Variants in RPS6KB1 observed in about 807,000 individuals in gnomAD.
The protein encoded by RPS6KB1 is ribosomal protein S6 kinase B1, also known as ribosomal protein S6 kinase beta-1.
RPS6KB1 carries 12 observed loss-of-function variants against 70.2 expected under a neutral mutation model. That is an observed-to-expected ratio of 0.17 (90% confidence interval 0.11 to 0.28). The LOEUF is 0.28. Among genes scored for constraint, RPS6KB1 ranks in the 10% least tolerant of loss-of-function variants. The probability of loss-of-function intolerance (pLI) is 1.00; values close to 1 mark genes in which losing one functional copy is unlikely to be tolerated. For missense variants in RPS6KB1, 270 were observed against 646.6 expected, an observed-to-expected ratio of 0.42 and a Z score of 6.32; for synonymous variants, 175 against 211.2, an observed-to-expected ratio of 0.83 and a Z score of 1.49.
intron 1 of RPS6KB1, among the ~76,000 whole-genome samples, chr17:59,896,342 C>T (rs1486095752): frequency 3.9e-5 from 6 of 152,004 alleles, no homozygotes; most frequent in African/African-American, 9.7e-5. Context: ...TACAGGCACC[C>T]GCCACCAGGC....
intron 12 of RPS6KB1, 49 bp from the exon 13 acceptor site, chr17:59,940,787 T>C (rs761826964): frequency 1.3e-5 from 15 of 1,157,080 alleles, no homozygotes; most frequent in Non-Finnish European, 1.8e-5. Flanking sequence ...ATTTGATTGA[T>C]GTAACATGGA....
intron 4 of RPS6KB1, among the ~76,000 whole-genome samples, chr17:59,917,941 A>G (rs949282145): frequency 1.1e-4 from 16 of 150,256 alleles, no homozygotes; most frequent in African/African-American, 3.9e-4. Flanking sequence ...CTTCTACTCA[A>G]TTTTTTTTTG....
intron 3 of RPS6KB1, among the ~76,000 whole-genome samples, chr17:59,913,554 C>T (rs1175465187): frequency 6.6e-6 from 1 of 152,128 alleles, no homozygotes; most frequent in East Asian, 1.9e-4. Flanking sequence ...TTATAGTTGT[C>T]TTTCAGTATG....
intron 1 of RPS6KB1, among the ~76,000 whole-genome samples, chr17:59,905,546 C>A (rs1309255478): frequency 2.0e-5 from 3 of 151,300 alleles, no homozygotes; most frequent in African/African-American, 7.3e-5. Flanking sequence ...CTCTTGTTGC[C>A]CAGGCTGGAG....
chr17:59,935,897 C>T (rs2044200761), intron 10 of RPS6KB1, among the ~76,000 whole-genome samples: 1 of 151,486 alleles, frequency 6.6e-6, no homozygotes, highest in South Asian at 2.1e-4. Context: ...CTGCAACCTC[C>T]ACCTCCCAGG....
intron 1 of RPS6KB1, chr17:59,894,017 C>A: frequency 1.2e-6 from 1 of 825,230 alleles, no homozygotes; most frequent in Non-Finnish European, 1.5e-6. Context: ...AACCTTTCCC[C>A]AAGTTGAAGA....
chr17:59,894,948 C>T lies in RPS6KB1; in HGVS notation c.141+1623C>T, dbSNP rs113261782. 5.4e-3 allele frequency among the ~76,000 whole-genome samples: 827 copies of T among 152,196 alleles called. 12 individuals are homozygous for T. Among genetic ancestry groups the T allele is most frequent in the African/African-American group, 0.019 (789 of 41,528 alleles). On this transcript the variant is annotated intron_variant, in intron 1 of 14. Coordinates refer to ENST00000225577, the MANE Select transcript of RPS6KB1 (RefSeq NM_003161.4). Reference sequence around the variant, plus strand: ...ATCAAATAAGACTAAATCAAAATCACACGGTTTAGAAAGTGGGTATTGAGT... The same window carrying T: ...ATCAAATAAGACTAAATCAAAATCATACGGTTTAGAAAGTGGGTATTGAGT...
intron 12 of RPS6KB1, among the ~76,000 whole-genome samples, chr17:59,939,242 G>T (rs1049684669): frequency 2.6e-5 from 4 of 152,054 alleles, no homozygotes; most frequent in African/African-American, 9.7e-5. Context: ...TAACACATTT[G>T]TGTTTCATTT....
At chr17:59,923,598 C>T (rs1200007084) in intron 4 of RPS6KB1, among the ~76,000 whole-genome samples, 2 of 151,356 alleles carry the variant, frequency 1.3e-5, no homozygotes, top group Admixed American at 6.6e-5. Flanking sequence ...GCAGCCTCCA[C>T]CTCCTGCGTT....
chr17:59,937,391 A>C (rs1037713604), intron 12 of RPS6KB1, among the ~76,000 whole-genome samples: 5 of 152,224 alleles, frequency 3.3e-5, no homozygotes, highest in Non-Finnish European at 7.3e-5. Context: ...GCTTGCTGCA[A>C]CAAAGTACCA....
At chr17:59,930,330 G>A (rs1000165924) in intron 6 of RPS6KB1, 156 bp downstream of exon 6, 2 of 680,434 alleles carry the variant, frequency 2.9e-6, no homozygotes, top group Non-Finnish European at 5.4e-6. Context: ...GGGCAGCTAT[G>A]GAGGTCACAT....
chr17:59,939,352 GT>G (rs1215217141), intron 12 of RPS6KB1, among the ~76,000 whole-genome samples: 1 of 152,124 alleles, frequency 6.6e-6, no homozygotes, highest in Non-Finnish European at 1.5e-5. Context: ...TATAATCTCT[GT>G]CTACTGCAGC....
intron 12 of RPS6KB1, among the ~76,000 whole-genome samples, chr17:59,937,435 A>G (rs2044307780): frequency 6.6e-6 from 1 of 152,322 alleles, no homozygotes; most frequent in Middle Eastern, 3.4e-3. Context: ...GAAATTTATT[A>G]TCTCATAGAT....
chr17:59,905,251 G>A (rs2042196771), intron 1 of RPS6KB1, among the ~76,000 whole-genome samples: 1 of 151,706 alleles, frequency 6.6e-6, no homozygotes, highest in Non-Finnish European at 1.5e-5. Flanking sequence ...CAAGTGATAT[G>A]CCCACCTCAG....
At position 59,915,775 on chromosome 17, in the gene RPS6KB1, C is replaced by CTTTTTTTT; in HGVS notation, c.381+1089_381+1096dup. Among the ~76,000 whole-genome samples the CTTTTTTTT allele has an allele frequency of 2.4e-3, 186 of 77,878 alleles. 12 individuals are homozygous for CTTTTTTTT. The highest frequency in any genetic ancestry group is 3.9e-3 in the African/African-American group (61 of 15,660). The allele number at this position is 77,878 out of a possible 152,430, so 51.1% of individuals were successfully genotyped here. A position where few individuals can be genotyped will look rare whatever the true frequency, so the allele number is the denominator to read the frequency against. ...GCCACTGCGCCTGGCCTACTGCTAT[C>CTTTTTTTT]TTTTTTTTTTTTTTTTTTTTTTTTA... On this transcript the variant is annotated intron_variant, in intron 4 of 14. Coordinates refer to ENST00000225577, the MANE Select transcript of RPS6KB1 (RefSeq NM_003161.4).
chr17:59,911,614 G>A (rs937788753), intron 2 of RPS6KB1, among the ~76,000 whole-genome samples: 2 of 139,942 alleles, frequency 1.4e-5, no homozygotes, highest in African/African-American at 2.7e-5. Flanking sequence ...GCATGATCTC[G>A]GCCCACTGCA....
At chr17:59,907,650 C>T (rs2042351843) in intron 1 of RPS6KB1, among the ~76,000 whole-genome samples, 1 of 151,532 alleles carries the variant, frequency 6.6e-6, no homozygotes, top group African/African-American at 2.4e-5. Context: ...GTGATCCTGC[C>T]ACCTCAGCCT....
chr17:59,929,944 A>G (rs1024071909), intron 5 of RPS6KB1, among the ~76,000 whole-genome samples, 173 bp from the exon 6 acceptor site: 1 of 152,236 alleles, frequency 6.6e-6, no homozygotes, highest in Non-Finnish European at 1.5e-5. Flanking sequence ...GCTACTAAAA[A>G]TAGAATCCTG....
At chr17:59,906,076 T>C (rs922104798) in intron 1 of RPS6KB1, among the ~76,000 whole-genome samples, 4 of 152,208 alleles carry the variant, frequency 2.6e-5, no homozygotes, top group African/African-American at 4.8e-5. Flanking sequence ...TTGATTTGTA[T>C]GTGGATATCC....
Sources: allele counts gnomAD v4.1 joint callset (sites outside exome capture counted in the v4.1 genomes callset), GRCh38; gene constraint gnomAD v4.1.1; transcripts MANE v1.5; gene names NCBI Gene and HGNC (gene_info 2026-07-23, HGNC 2026-07-21).